The following RPS29 variants were observed in gnomAD, a reference collection of about 807,000 sequenced individuals.
RPS29 encodes small ribosomal subunit protein uS14.
For synonymous variants in RPS29, 37 were observed against 26.9 expected (o/e 1.37, Z -1.16); for missense variants, 60 against 75.7 (o/e 0.79, Z 0.77).
chr14:49,573,408 G>T (rs1881103431), exon 3 of RPS29: 1 of 151,004 alleles, frequency 6.6e-6, no homozygotes, highest in Admixed American at 6.6e-5. Flanking sequence ...AGGAGACAGA[G>T]GCTGCAGTGA....
At chr14:49,573,110 AAGAAAGAAAGAAAG>A (rs1171134210) in exon 3 of RPS29, 2 of 151,902 alleles carry the variant, frequency 1.3e-5, no homozygotes. Flanking sequence ...GAAGGAAAGA[AAGAAAGAAAGAAAG>A]AGAAAGAAAG....
chr14:49,583,679 A>G lies in RPS29; in HGVS notation c.163-4T>C. 2 of 940,380 alleles carry G rather than the reference A, an allele frequency of 2.1e-6. No homozygotes were observed. The highest frequency in any genetic ancestry group is 3.0e-6 in the Non-Finnish European group (2 of 668,612). The allele number at this position is 940,380 out of a possible 1,614,324, so 58.3% of individuals were successfully genotyped here. ...GAAGGAAGAGCATTTAGTCCAACTG[A>G]AAAAAAAAAAGCAGATGATTTATTT... is the stretch of plus-strand genomic sequence containing the variant. On this transcript the variant is annotated splice_polypyrimidine_tract_variant and splice_region_variant and intron_variant, in intron 2 of 2. Coordinates refer to ENST00000245458, the MANE Select transcript of RPS29 (RefSeq NM_001032.5).
At position 49,586,310 on chromosome 14, in the gene RPS29, T is replaced by G; in HGVS notation, c.37A>C (p.Lys13Gln). Residue 13 changes from lysine to glutamine, a missense_variant, in exon 1 of 3, where the codon AAA (lysine) becomes CAA (glutamine). Lys to Gln is a moderately conservative substitution (Grantham distance 53). Coordinates refer to ENST00000245458, the MANE Select transcript of RPS29 (RefSeq NM_001032.5). ...HQQLYWSHPR[K>Q]FGQGSRSCRV... ...CAAGAGCGAGAACCCTGGCCGAATT[T>G]TCGCGGGTGGCTCCAGTACAGCTGC... The G allele has an allele frequency of 1.2e-6, 2 of 1,614,000 alleles. No homozygotes were observed. Among genetic ancestry groups the G allele is most frequent in the Non-Finnish European group, 1.7e-6 (2 of 1,179,860 alleles).
chr14:49,595,534 G>A (rs1210011902), intron 1 of RPS29, among the ~76,000 whole-genome samples: 1 of 152,120 alleles, frequency 6.6e-6, no homozygotes, highest in African/African-American at 2.4e-5. Flanking sequence ...TTGAGCCCAG[G>A]AGTTTGAGGT....
In RPS29 at chr14:49,598,453, A is replaced by G. The variant is rs1354447586; in HGVS notation, c.-186T>C. ...GAATTGCCAAGTCAAATACAGCCAT[A>G]TAAAGCCCCCCTTCGACGTGCCAGG... On this transcript the variant is annotated 5_prime_UTR_variant, in exon 1 of 4. Transcript: ENST00000556230. The G allele has an allele frequency of 5.7e-6, 4 of 702,320 alleles. No individual in the cohort carries two copies. In the Admixed American group the frequency reaches 8.0e-5, roughly 14 times the overall value. The allele number at this position is 702,320 out of a possible 1,614,324, so 43.5% of individuals were successfully genotyped here.
chr14:49,598,461 C>T, exon 1 of RPS29: 1 of 702,338 alleles, frequency 1.4e-6, no homozygotes, highest in Non-Finnish European at 2.6e-6. Flanking sequence ...ATATAAAGCC[C>T]CCCTTCGACG....
At chr14:49,577,797 T>A in exon 3 of RPS29, 2 of 1,603,126 alleles carry the variant, frequency 1.2e-6, no homozygotes, top group Non-Finnish European at 1.7e-6. Flanking sequence ...ATGGCCATGA[T>A]GGAGGAGATG....
chr14:49,595,179 T>A (rs750025134), intron 1 of RPS29, among the ~76,000 whole-genome samples: 18 of 152,102 alleles, frequency 1.2e-4, no homozygotes, highest in Non-Finnish European at 2.6e-4. Flanking sequence ...TTTAGCTGTA[T>A]TGAGTCTTAG....
chr14:49,583,462 C>A (rs1029646191), downstream of RPS29: 1 of 456,942 alleles, frequency 2.2e-6, no homozygotes, highest in Non-Finnish European at 3.9e-6. Context: ...GCCGAGATCG[C>A]GCCACTGCAC....
chr14:49,589,560 C>T (rs1392899762), upstream of RPS29, among the ~76,000 whole-genome samples: 1 of 152,192 alleles, frequency 6.6e-6, no homozygotes, highest in East Asian at 1.9e-4. Context: ...TAAAAACCTT[C>T]ATCTTAGACG....
At chr14:49,579,376 G>T (rs1025905958), downstream of RPS29, among the ~76,000 whole-genome samples, 1 of 152,122 alleles carries the variant, frequency 6.6e-6, no homozygotes, top group African/African-American at 2.4e-5. Context: ...TGTTACAGTG[G>T]CCCAAAGACA....
chr14:49,576,261 GTTTT>G (rs775706581), exon 3 of RPS29: 39 of 144,106 alleles, frequency 2.7e-4, no homozygotes, highest in African/African-American at 8.3e-4. Flanking sequence ...TTGTTTTTGG[GTTTT>G]TTTGTTTGTT....
At chr14:49,580,427 C>T (rs559020141), downstream of RPS29, among the ~76,000 whole-genome samples, 18 of 152,318 alleles carry the variant, frequency 1.2e-4, no homozygotes, top group South Asian at 3.5e-3. Flanking sequence ...TTCCCCAACA[C>T]CAACTTTATC....
chr14:49,580,655 T>C (rs1302572535), downstream of RPS29, among the ~76,000 whole-genome samples: 1 of 152,178 alleles, frequency 6.6e-6, no homozygotes, highest in East Asian at 1.9e-4. Context: ...GTGGATCACC[T>C]GAGGTCAGGA....
At chr14:49,585,373 A>C (rs1881497846) in intron 2 of RPS29, 1 of 92,576 alleles carries the variant, frequency 1.1e-5, no homozygotes, top group African/African-American at 5.1e-5. Context: ...CAAAAAAAAA[A>C]AAAAAAAAAC....
chr14:49,583,426 G>T (rs1030177675), downstream of RPS29: 1 of 334,304 alleles, frequency 3.0e-6, no homozygotes, highest in Non-Finnish European at 5.5e-6. Context: ...GGCTGAGGCA[G>T]GAGGCTTGAA....
upstream of RPS29, among the ~76,000 whole-genome samples, chr14:49,587,935 A>G (rs1881625968): frequency 1.3e-5 from 2 of 152,236 alleles, no homozygotes; most frequent in South Asian, 2.1e-4. Context: ...GTGTAACTAG[A>G]ATAGAAGATG....
At chr14:49,580,810 G>T (rs575500109), downstream of RPS29, among the ~76,000 whole-genome samples, 1 of 152,120 alleles carries the variant, frequency 6.6e-6, no homozygotes, top group East Asian at 1.9e-4. Context: ...GCCTGAACCC[G>T]GGAGGCAGAG....
upstream of RPS29, among the ~76,000 whole-genome samples, chr14:49,590,429 T>C (rs965267415): frequency 3.9e-5 from 6 of 152,018 alleles, no homozygotes; most frequent in African/African-American, 1.2e-4. Flanking sequence ...TGAGCCGAGA[T>C]TGCGCCACTG....
Sources: allele counts gnomAD v4.1 joint callset (sites outside exome capture counted in the v4.1 genomes callset), GRCh38; gene constraint gnomAD v4.1.1; transcripts MANE v1.5; gene names NCBI Gene and HGNC (gene_info 2026-07-23, HGNC 2026-07-21).